NR3C1: variants seen among roughly 807,000 people sequenced by gnomAD.
NR3C1 encodes nuclear receptor subfamily 3 group C member 1.
Under a neutral mutation model 74.0 loss-of-function variants are expected in NR3C1, and 14 were observed. The observed-to-expected ratio is 0.19, with a 90% CI of 0.12 to 0.30. The LOEUF is 0.30. NR3C1 is among the 10% of genes least tolerant of loss of function. The pLI, the probability that NR3C1 is intolerant of heterozygous loss-of-function variation, is 1.00. For missense variants in NR3C1, 695 were observed against 909.8 expected (o/e 0.76, Z 3.04); for synonymous variants, 308 against 332.5 (o/e 0.93, Z 0.80).
At chr5:143,371,282 T>C (rs1169136598) in intron 2 of NR3C1, among the ~76,000 whole-genome samples, 1 of 152,214 alleles carries the variant, frequency 6.6e-6, no homozygotes, top group Non-Finnish European at 1.5e-5. Flanking sequence ...ACTTTGAAAA[T>C]TCCTTTAATT....
upstream of NR3C1, chr5:143,404,321 C>T (rs1293376227): frequency 1.0e-6 from 1 of 985,588 alleles, no homozygotes; most frequent in Non-Finnish European, 1.2e-6. Context: ...CCTGACACGC[C>T]CTCTGGGGAG....
At chr5:143,423,535 CA>C (rs1305554618) in intron 1 of NR3C1, among the ~76,000 whole-genome samples, 1 of 152,062 alleles carries the variant, frequency 6.6e-6, no homozygotes, top group Non-Finnish European at 1.5e-5. Context: ...CTATGGAGAA[CA>C]GTATGAAGGT....
chr5:143,298,881 G>C, intron 5 of NR3C1, 69 bp from the exon 6 acceptor site: 1 of 1,530,978 alleles, frequency 6.5e-7, no homozygotes, highest in Non-Finnish European at 8.9e-7. Flanking sequence ...AATTGCCAAG[G>C]AGCAATGAGA....
chr5:143,308,706 T>A (rs1820193781), intron 4 of NR3C1, among the ~76,000 whole-genome samples: 1 of 152,208 alleles, frequency 6.6e-6, no homozygotes, highest in Non-Finnish European at 1.5e-5. Context: ...CAAGACAGAA[T>A]TAGGTGACCT....
At chr5:143,291,527 A>ATTACTTTTCTTTAGCCTAAG (rs57155518) in intron 7 of NR3C1, among the ~76,000 whole-genome samples, 66,260 of 151,946 alleles carry the variant, frequency 0.44, 15,427 homozygotes, top group Middle Eastern at 0.57. Context: ...CCTGGCTGGG[A>ATTACTTTTCTTTAGCCTAAG]TATATCCTCT....
chr5:143,358,708 C>T (rs1270885377), intron 2 of NR3C1, among the ~76,000 whole-genome samples: 3 of 151,936 alleles, frequency 2.0e-5, no homozygotes, highest in Non-Finnish European at 4.4e-5. Context: ...TCGAGACCAG[C>T]CTGACCAACA....
Position 143,320,472 on chromosome 5 carries a change from T to C in NR3C1, c.1185-6304A>G, listed in dbSNP as rs61752284. ...GATCAAGAGAATGTTCAGTAAAGGA[T>C]TTTTCAGACCTCTAAGACACCAGTG... On this transcript the variant is annotated intron_variant, in intron 2 of 8. Transcript: ENST00000394464. Among the ~76,000 whole-genome samples, 858 of 152,230 alleles carry C rather than the reference T, an allele frequency of 5.6e-3. 8 individuals carry two copies. Among genetic ancestry groups the C allele is most frequent in the African/African-American group, 0.019 (799 of 41,522 alleles).
At chr5:143,387,815 A>G (rs527739298) in intron 2 of NR3C1, among the ~76,000 whole-genome samples, 2 of 152,336 alleles carry the variant, frequency 1.3e-5, no homozygotes, top group South Asian at 4.1e-4. Flanking sequence ...CTGAAGAAAG[A>G]TATTTTGAAA....
intron 3 of NR3C1, among the ~76,000 whole-genome samples, chr5:143,312,077 C>T (rs1268068643): frequency 6.6e-6 from 1 of 152,102 alleles, no homozygotes; most frequent in African/African-American, 2.4e-5. Flanking sequence ...TTCAAGTCAG[C>T]TGAAATTTTG....
At chr5:143,293,873 T>G (rs1405907781) in intron 7 of NR3C1, 1 of 979,306 alleles carries the variant, frequency 1.0e-6, no homozygotes, top group East Asian at 1.1e-4. Context: ...TCTTTTTTTT[T>G]TTTTTTTAAA....
intron 1 of NR3C1, among the ~76,000 whole-genome samples, chr5:143,417,337 T>C (rs1458868718): frequency 6.6e-6 from 1 of 152,192 alleles, no homozygotes; most frequent in Non-Finnish European, 1.5e-5. Flanking sequence ...ATAAACTTTA[T>C]ACTTCTCTCT....
rs1813368708 is a variant in NR3C1, at chr5:143,282,699, C to G, written c.2050G>C (p.Glu684Gln). The stretch of plus-strand genomic sequence containing the variant: ...GTCATTCTAATTTCATCAAATAGCT[C>G]TTGGCTCTTCAGACCGTCCTTAGGA... ...SVPKDGLKSQ[E>Q]LFDEIRMTYI... The change falls in exon 8 of 9, where the codon GAG becomes CAG. Residue 684 changes from glutamate (E) to glutamine (Q), a missense_variant. Glu to Gln is a conservative substitution (Grantham distance 29). Transcript: ENST00000394464. 6.2e-7 allele frequency: 1 copy of G among 1,613,540 alleles called. No homozygotes were observed. Among genetic ancestry groups the G allele is most frequent in the Non-Finnish European group, 8.5e-7 (1 of 1,179,804 alleles).
intron 2 of NR3C1, among the ~76,000 whole-genome samples, chr5:143,378,754 CAAG>C (rs1835670263): frequency 6.6e-6 from 1 of 152,168 alleles, no homozygotes; most frequent in African/African-American, 2.4e-5. Context: ...ATGTTTAACA[CAAG>C]AAATTTATGT....
chr5:143,421,451 T>TG (rs1456026057), intron 1 of NR3C1, among the ~76,000 whole-genome samples: 2 of 152,004 alleles, frequency 1.3e-5, no homozygotes, highest in Non-Finnish European at 2.9e-5. Flanking sequence ...CCCTGTAAAA[T>TG]GGGGGGAAAC....
At chr5:143,408,103 G>A (rs575555550), upstream of NR3C1, among the ~76,000 whole-genome samples, 5 of 152,270 alleles carry the variant, frequency 3.3e-5, no homozygotes, top group African/African-American at 1.2e-4. Flanking sequence ...TTTTGATGAA[G>A]GTCTAAAGCT....
At chr5:143,331,083 A>G (rs1825845597) in intron 2 of NR3C1, among the ~76,000 whole-genome samples, 1 of 152,244 alleles carries the variant, frequency 6.6e-6, no homozygotes, top group Non-Finnish European at 1.5e-5. Flanking sequence ...CCAAAACAGC[A>G]TGGTATTGGT....
intron 1 of NR3C1, among the ~76,000 whole-genome samples, chr5:143,422,003 G>T (rs1448324134): frequency 2.6e-5 from 4 of 152,156 alleles, no homozygotes; most frequent in African/African-American, 9.7e-5. Context: ...CTGAAGTGGT[G>T]TTCACTGCTT....
chr5:143,375,854 CAAAA>C (rs1835097820), intron 2 of NR3C1: 2 of 152,028 alleles, frequency 1.3e-5, no homozygotes, highest in Non-Finnish European at 2.9e-5. Flanking sequence ...ATCTTTATTT[CAAAA>C]TAATCATGTT....
intron 2 of NR3C1, among the ~76,000 whole-genome samples, chr5:143,363,928 C>T (rs1343189534): frequency 1.3e-5 from 2 of 151,912 alleles, no homozygotes; most frequent in Non-Finnish European, 2.9e-5. Context: ...CCAAACAAAG[C>T]AACACACAAA....
Sources: allele counts gnomAD v4.1 joint callset (sites outside exome capture counted in the v4.1 genomes callset), GRCh38; gene constraint gnomAD v4.1.1; transcripts MANE v1.5; gene names NCBI Gene and HGNC (gene_info 2026-07-23, HGNC 2026-07-21).